The following CDH13 variants were observed in gnomAD, a reference collection of about 807,000 sequenced individuals.
CDH13 encodes cadherin 13, also known as cadherin-13.
A neutral mutation model predicts 63.8 loss-of-function variants in CDH13; 24 were observed. The observed-to-expected ratio is 0.38, with a 90% CI of 0.27 to 0.53. CDH13 has a LOEUF of 0.53. Among genes scored for constraint, CDH13 ranks in the 20% least tolerant of loss-of-function variants. The pLI is 0.85. For synonymous variants in CDH13, 503 were observed against 355.3 expected (o/e 1.42, Z -4.67); for missense variants, 1,049 against 903.1 (o/e 1.16, Z -2.07).
At chr16:83,301,680 G>T (rs1326585056) in intron 5 of CDH13, among the ~76,000 whole-genome samples, 1 of 152,132 alleles carries the variant, frequency 6.6e-6, no homozygotes, top group Non-Finnish European at 1.5e-5. Context: ...CAGCTTGAAC[G>T]TTAGTGTACC....
intron 1 of CDH13, chr16:82,829,587 A>G (rs1023112373): frequency 6.6e-6 from 1 of 152,100 alleles, no homozygotes; most frequent in East Asian, 1.9e-4. Context: ...GGGGAAACCA[A>G]CCAGCTATAT....
chr16:82,918,360 G>C lies in CDH13; in HGVS notation c.157+59887G>C, dbSNP rs191596077. 2.1e-4 allele frequency among the ~76,000 whole-genome samples: 32 copies of C among 152,254 alleles called. 1 individual carries two copies. In the East Asian group the frequency reaches 4.6e-3, roughly 22 times the overall value. On this transcript the variant is annotated intron_variant, in intron 2 of 13. Coordinates refer to ENST00000567109, the MANE Select transcript of CDH13 (RefSeq NM_001257.5). ...TTAGAATCTCTGCACCAGTTTCTGT[G>C]ATTTTTTTGAGACATCCTGAAGATG...
intron 1 of CDH13, among the ~76,000 whole-genome samples, chr16:82,694,562 C>A (rs1188583116): frequency 6.6e-6 from 1 of 152,188 alleles, no homozygotes; most frequent in Non-Finnish European, 1.5e-5. Context: ...TCCTTCCCTT[C>A]CTCCCAGGCC....
intron 6 of CDH13, among the ~76,000 whole-genome samples, chr16:83,386,670 C>G (rs2091680657): frequency 6.6e-6 from 1 of 152,170 alleles, no homozygotes; most frequent in Non-Finnish European, 1.5e-5. Flanking sequence ...CTTCATTTAA[C>G]TTGATGAGGA....
At chr16:83,205,758 C>G (rs1285442887) in intron 4 of CDH13, among the ~76,000 whole-genome samples, 1 of 151,930 alleles carries the variant, frequency 6.6e-6, no homozygotes, top group Non-Finnish European at 1.5e-5. Context: ...GTGTGCACCA[C>G]CACACCCAGT....
chr16:83,707,951 G>A (rs1360410859), intron 10 of CDH13, among the ~76,000 whole-genome samples: 1 of 151,400 alleles, frequency 6.6e-6, no homozygotes, highest in Non-Finnish European at 1.5e-5. Context: ...ATCCTCCTGT[G>A]AGTTGGCAAG....
At chr16:83,007,137 G>A (rs1913608651) in intron 2 of CDH13, among the ~76,000 whole-genome samples, 1 of 152,030 alleles carries the variant, frequency 6.6e-6, no homozygotes, top group Non-Finnish European at 1.5e-5. Context: ...GGTCAGGCTG[G>A]TCTTGAACTC....
At chr16:83,621,676 G>A (rs557176232) in intron 8 of CDH13, among the ~76,000 whole-genome samples, 104 of 151,514 alleles carry the variant, frequency 6.9e-4, no homozygotes, top group Non-Finnish European at 1.2e-3. Flanking sequence ...TAGTAGAGAC[G>A]AGGTTTCACC....
chr16:83,382,079 C>T (rs1013576792), intron 6 of CDH13, among the ~76,000 whole-genome samples: 1 of 152,162 alleles, frequency 6.6e-6, no homozygotes, highest in Non-Finnish European at 1.5e-5. Context: ...CCAACTCTAC[C>T]AGCTACTTAT....
intron 4 of CDH13, among the ~76,000 whole-genome samples, chr16:83,201,734 A>T (rs1469359611): frequency 1.4e-5 from 2 of 144,290 alleles, no homozygotes; most frequent in African/African-American, 2.8e-5. Flanking sequence ...CGTCTCTAAT[A>T]AAAAAAAATT....
At chr16:83,727,814 C>T (rs767973930) in intron 10 of CDH13, among the ~76,000 whole-genome samples, 6 of 152,070 alleles carry the variant, frequency 3.9e-5, no homozygotes, top group Non-Finnish European at 7.3e-5. Context: ...ACTTTGCTCA[C>T]CAGTCACAGC....
intron 5 of CDH13, among the ~76,000 whole-genome samples, chr16:83,306,235 C>G (rs750705603): frequency 1.3e-5 from 2 of 152,216 alleles, no homozygotes; most frequent in East Asian, 1.9e-4. Context: ...GGTACCGTAT[C>G]TGTGCTATGG....
At chr16:83,666,493 T>C (rs1338770042) in intron 8 of CDH13, among the ~76,000 whole-genome samples, 1 of 152,256 alleles carries the variant, frequency 6.6e-6, no homozygotes, top group Admixed American at 6.5e-5. Context: ...CCCAGTTCCT[T>C]GATTAGGCTA....
At chr16:83,685,359 C>G (rs1435964284) in intron 10 of CDH13, among the ~76,000 whole-genome samples, 1 of 152,110 alleles carries the variant, frequency 6.6e-6, no homozygotes, top group Admixed American at 6.5e-5. Flanking sequence ...TAAATAACTA[C>G]AGGGTACATT....
rs938348865 is a variant in CDH13 at position 83,653,424 on chromosome 16, G to C, written c.1102-17366G>C. Among the ~76,000 whole-genome samples the C allele has an allele frequency of 4.6e-5, 6 of 131,734 alleles. 1 individual carries two copies. Among genetic ancestry groups the C allele is most frequent in the Middle Eastern group, 7.6e-3 (2 of 264 alleles). The allele number at this position is 131,734 out of a possible 152,430, so 86.4% of individuals were successfully genotyped here. A position where few individuals can be genotyped will look rare whatever the true frequency, so the allele number is the denominator to read the frequency against. On this transcript the variant is annotated intron_variant, in intron 8 of 13. Transcript: ENST00000567109. ...TAGGCAGAACTTGAGCTCTTGTTAA[G>C]GTTTGAAAAATCACAAGCTGTTTTT...
chr16:82,709,024 G>T (rs2031712392), intron 1 of CDH13, among the ~76,000 whole-genome samples: 1 of 152,204 alleles, frequency 6.6e-6, no homozygotes. Flanking sequence ...TTGAGAAGTG[G>T]GGACAGGCCC....
intron 1 of CDH13, among the ~76,000 whole-genome samples, chr16:82,739,547 G>A (rs554718917): frequency 6.0e-4 from 91 of 152,298 alleles, no homozygotes; most frequent in African/African-American, 1.7e-3. Context: ...CCCTGTTTAA[G>A]CAATGAGGAG....
intron 1 of CDH13, among the ~76,000 whole-genome samples, chr16:82,832,421 CTCT>C (rs2038583802): frequency 6.6e-6 from 1 of 152,046 alleles, no homozygotes; most frequent in South Asian, 2.1e-4. Context: ...GACTTTTCAT[CTCT>C]TCTTCCTCCT....
At chr16:82,852,483 C>A (rs1363450352) in intron 1 of CDH13, among the ~76,000 whole-genome samples, 1 of 152,142 alleles carries the variant, frequency 6.6e-6, no homozygotes, top group Non-Finnish European at 1.5e-5. Context: ...AGATATCATG[C>A]AGGACATTCA....
Sources: allele counts gnomAD v4.1 joint callset (sites outside exome capture counted in the v4.1 genomes callset), GRCh38; gene constraint gnomAD v4.1.1; transcripts MANE v1.5; gene names NCBI Gene and HGNC (gene_info 2026-07-23, HGNC 2026-07-21).